The following WDR26 variants were observed in gnomAD, a reference collection of about 807,000 sequenced individuals.
WDR26 encodes the protein WD repeat-containing protein 26.
Under a neutral mutation model 84.1 loss-of-function variants are expected in WDR26, and 5 were observed. The observed-to-expected ratio is 0.06, with a 90% CI of 0.03 to 0.13. WDR26 has a LOEUF of 0.13. Ranked by LOEUF, WDR26 falls within the 10% of genes least tolerant of loss-of-function variation. The pLI, the probability that WDR26 is intolerant of heterozygous loss-of-function variation, is 1.00. For missense variants in WDR26, 642 were observed against 974.9 expected, an observed-to-expected ratio of 0.66 and a Z score of 4.55; for synonymous variants, 415 against 389.6, an observed-to-expected ratio of 1.07 and a Z score of -0.77.
Position 224,422,409 on chromosome 1 carries a change from T to A in WDR26, c.1064+2109A>T, listed in dbSNP as rs113945074. Among the ~76,000 whole-genome samples, 750 of 152,290 alleles carry A rather than the reference T, an allele frequency of 4.9e-3. 6 individuals are homozygous for A. The highest frequency in any genetic ancestry group is 0.017 in the African/African-American group (710 of 41,564). On this transcript the variant is annotated intron_variant, in intron 4 of 13. Transcript: ENST00000414423. ...ACTTGTCTGGCTGCTGTGTGAAATA[T>A]GCATTGTTAAGAAATTAAGAGTGAA...
chr1:224,410,859 T>A (rs935076387), intron 7 of WDR26, among the ~76,000 whole-genome samples: 1 of 151,980 alleles, frequency 6.6e-6, no homozygotes, highest in African/African-American at 2.4e-5. Context: ...CCATCATGCC[T>A]GGCTAATTTT....
intron 7 of WDR26, among the ~76,000 whole-genome samples, chr1:224,405,520 T>C (rs1197992805): frequency 6.6e-6 from 1 of 152,210 alleles, no homozygotes; most frequent in Non-Finnish European, 1.5e-5. Context: ...GGTTGCACCA[T>C]TTTACAATCC....
At chr1:224,415,743 A>T (rs1250135575) in intron 6 of WDR26, among the ~76,000 whole-genome samples, 1 of 152,174 alleles carries the variant, frequency 6.6e-6, no homozygotes, top group Non-Finnish European at 1.5e-5. Flanking sequence ...TACAGGCGTG[A>T]GCCACTGCAC....
At chr1:224,390,143 T>C (rs1208935777) in intron 13 of WDR26, among the ~76,000 whole-genome samples, 1 of 152,214 alleles carries the variant, frequency 6.6e-6, no homozygotes, top group Non-Finnish European at 1.5e-5. Flanking sequence ...TTTTATTTTT[T>C]TGAGACAGGA....
chr1:224,423,263 C>T (rs1674116689), intron 4 of WDR26, among the ~76,000 whole-genome samples: 1 of 152,096 alleles, frequency 6.6e-6, no homozygotes, highest in African/African-American at 2.4e-5. Flanking sequence ...TGGCTAGAAC[C>T]TCCAATACAA....
intron 6 of WDR26, 121 bp from the exon 7 acceptor site, chr1:224,411,686 G>A (rs1673742013): frequency 9.4e-7 from 1 of 1,066,658 alleles, no homozygotes; most frequent in Non-Finnish European, 1.3e-6. Context: ...AAAATAAGAA[G>A]TGAATGCATT....
chr1:224,413,957 G>A (rs1055922653), intron 6 of WDR26, among the ~76,000 whole-genome samples: 6 of 146,024 alleles, frequency 4.1e-5, no homozygotes, highest in African/African-American at 7.6e-5. Context: ...TTACAGGTGC[G>A]CACCACTACA....
In WDR26 at chr1:224,389,137, C is replaced by T. The variant is rs1673057087; in HGVS notation, c.*698G>A. 1 of 152,656 alleles carries T rather than the reference C, an allele frequency of 6.6e-6. No homozygotes were observed. The highest frequency in any genetic ancestry group is 1.5e-5 in the Non-Finnish European group (1 of 68,080). 9.5% of individuals were successfully genotyped at this position (152,656 alleles called of 1,614,324 possible). On this transcript the variant is annotated 3_prime_UTR_variant, in exon 14 of 14. Transcript: ENST00000414423. ...TGTATACAAATGAAGTCACTTTAAT[C>T]CTATAAATACTTCTTAATTTATTTT...
chr1:224,419,770 G>A (rs1462657371), intron 4 of WDR26, among the ~76,000 whole-genome samples, 155 bp from the exon 5 acceptor site: 1 of 151,962 alleles, frequency 6.6e-6, no homozygotes, highest in East Asian at 1.9e-4. Context: ...TATGGCACCT[G>A]CATATAATTA....
chr1:224,420,879 T>G (rs1335375435), intron 4 of WDR26, among the ~76,000 whole-genome samples: 1 of 152,166 alleles, frequency 6.6e-6, no homozygotes, highest in Non-Finnish European at 1.5e-5. Flanking sequence ...ATTACAGGCG[T>G]GTGCCACCGT....
Position 224,419,604 on chromosome 1 carries a change from C to G in WDR26, c.1076G>C (p.Cys359Ser). The G allele has an allele frequency of 6.2e-7, 1 of 1,613,180 alleles. No homozygotes were observed. The highest frequency in any genetic ancestry group is 8.5e-7 in the Non-Finnish European group (1 of 1,179,230). Residue 359 changes from cysteine to serine, a missense_variant, in exon 5 of 14, where the codon TGT becomes TCT. Coordinates refer to ENST00000414423, the MANE Select transcript of WDR26 (RefSeq NM_001379403.1). ...TGCACGTAGGTCTTCTGCATGGCTA[C>G]ACATCAGATACCTAAAAATACAACA... is the stretch of plus-strand genomic sequence containing the variant.
At chr1:224,415,453 C>CTTTTTTTTTTTTTTTTTTTT (rs149995544) in intron 6 of WDR26, among the ~76,000 whole-genome samples, 9 of 82,338 alleles carry the variant, frequency 1.1e-4, no homozygotes, top group African/African-American at 4.4e-4. Flanking sequence ...GTATTTCTTT[C>CTTTTTTTTTTTTTTTTTTTT]TTTTTTTTTT....
rs184261952 is a variant in WDR26, at chr1:224,390,316, C to T, written c.2261-456G>A. On this transcript the variant is annotated intron_variant, in intron 13 of 13. Coordinates refer to ENST00000414423, the MANE Select transcript of WDR26 (RefSeq NM_001379403.1). The stretch of plus-strand genomic sequence containing the variant: ...TGTATTTTTTGTAGAGACAGGGTTT[C>T]GCCATGTTGCCCAGGCTGGTCTTGA... Among the ~76,000 whole-genome samples the T allele has an allele frequency of 1.7e-3, 253 of 152,280 alleles. 3 individuals are homozygous for T. The highest frequency in any genetic ancestry group is 4.0e-3 in the Admixed American group (61 of 15,296).
chr1:224,400,246 T>TA (rs1196265791), intron 9 of WDR26, among the ~76,000 whole-genome samples: 1 of 152,046 alleles, frequency 6.6e-6, no homozygotes, highest in Non-Finnish European at 1.5e-5. Flanking sequence ...TGTCACCACT[T>TA]TTATTATTCA....
chr1:224,433,614 CT>C, intron 1 of WDR26, 69 bp downstream of exon 1: 1 of 998,424 alleles, frequency 1.0e-6, no homozygotes, highest in South Asian at 2.2e-5. Context: ...CCCTCCGCCC[CT>C]TCCCCTACCC....
chr1:224,409,806 T>C (rs1370274058), intron 7 of WDR26, among the ~76,000 whole-genome samples: 1 of 151,278 alleles, frequency 6.6e-6, no homozygotes, highest in Admixed American at 6.6e-5. Context: ...GAGGTTGCAG[T>C]GAGCCAAGAT....
rs775339652 is a variant in WDR26 at position 224,398,268 on chromosome 1, TCAAA to T, written c.1945-46_1945-43del. On this transcript the variant is annotated intron_variant, in intron 11 of 13. Transcript: ENST00000414423. ...ATACAGATATTTAATCTGCCTCAAC[TCAAA>T]CAAATTTTAAAAAGTATCTGTAAAT... 2.8e-4 allele frequency: 443 copies of T among 1,580,176 alleles called. 3 individuals are homozygous for T. Among genetic ancestry groups the T allele is most frequent in the Middle Eastern group, 2.4e-3 (14 of 5,938 alleles).
chr1:224,431,192 A>G, intron 3 of WDR26: 1 of 265,072 alleles, frequency 3.8e-6, no homozygotes, highest in Non-Finnish European at 7.3e-6. Flanking sequence ...TTTATCTTTA[A>G]CTCTATAAAT....
Position 224,434,592 on chromosome 1 carries a change from A to AGCTCGGGGTGCGCG in WDR26, c.-201_-188dup. 1 of 446,438 alleles carries AGCTCGGGGTGCGCG rather than the reference A, an allele frequency of 2.2e-6. No individual in the cohort carries two copies. Among genetic ancestry groups the AGCTCGGGGTGCGCG allele is most frequent in the Non-Finnish European group, 2.9e-6 (1 of 347,958 alleles). 27.7% of individuals were successfully genotyped at this position (446,438 alleles called of 1,614,324 possible). ...CCTTTCCCCCCCCCCTCCCGGAGGC[A>AGCTCGGGGTGCGCG]GCTCGGGGTGCGCGGCCCGGGGGTC... is the stretch of plus-strand genomic sequence containing the variant. On this transcript the variant is annotated 5_prime_UTR_variant, in exon 1 of 14. Coordinates refer to ENST00000414423, the MANE Select transcript of WDR26 (RefSeq NM_001379403.1).
Sources: gnomAD v4.1 joint callset for allele counts (sites outside exome capture counted in the v4.1 genomes callset) on GRCh38, gnomAD v4.1.1 for gene constraint, MANE v1.5 for transcripts, NCBI Gene and HGNC (gene_info 2026-07-23, HGNC 2026-07-21) for gene names.